The following LARGE1 variants were observed in gnomAD, a reference collection of about 807,000 sequenced individuals.
LARGE1 encodes the protein LARGE xylosyl- and glucuronyltransferase 1.
LARGE1 carries 43 observed loss-of-function variants against 87.6 expected under a neutral mutation model. The ratio of observed to expected loss-of-function variants is 0.49; its 90% CI spans 0.38 to 0.63. The LOEUF (loss-of-function observed/expected upper bound fraction) is 0.63. Among genes scored for constraint, LARGE1 ranks in the 30% least tolerant of loss-of-function variants. The pLI, the probability that LARGE1 is intolerant of heterozygous loss-of-function variation, is 0.00. For missense variants in LARGE1, 802 were observed against 1,000.2 expected, an observed-to-expected ratio of 0.80 and a Z score of 2.67; for synonymous variants, 434 against 394.6, an observed-to-expected ratio of 1.10 and a Z score of -1.18.
At chr22:33,551,984 G>T (rs749270350) in intron 6 of LARGE1, among the ~76,000 whole-genome samples, 53 of 106,544 alleles carry the variant, frequency 5.0e-4, no homozygotes, top group Non-Finnish European at 7.8e-4. Flanking sequence ...ACAGAGCAAG[G>T]CTCCGTCTCA....
chr22:33,748,366 G>A (rs1181924010), intron 2 of LARGE1, among the ~76,000 whole-genome samples: 3 of 151,956 alleles, frequency 2.0e-5, no homozygotes, highest in African/African-American at 2.4e-5. Flanking sequence ...TCCAGACCTC[G>A]TGATGCACCC....
chr22:33,502,608 A>G (rs558188172), intron 6 of LARGE1, among the ~76,000 whole-genome samples: 230 of 152,050 alleles, frequency 1.5e-3, no homozygotes, highest in African/African-American at 5.2e-3. Context: ...TGGCTCTGCC[A>G]CCCAGGCTGG....
chr22:33,448,973 A>T (rs1158683726), intron 6 of LARGE1, among the ~76,000 whole-genome samples: 1 of 152,150 alleles, frequency 6.6e-6, no homozygotes, highest in African/African-American at 2.4e-5. Flanking sequence ...CTTATTCTAG[A>T]ATTTCATAAA....
At chr22:33,336,642 T>A (rs567212268) in intron 10 of LARGE1, among the ~76,000 whole-genome samples, 1 of 152,216 alleles carries the variant, frequency 6.6e-6, no homozygotes, top group Admixed American at 6.5e-5. Context: ...CCCTGCTTTT[T>A]CTGTTAAAGT....
At chr22:33,481,505 C>T (rs931220862) in intron 6 of LARGE1, among the ~76,000 whole-genome samples, 1 of 151,996 alleles carries the variant, frequency 6.6e-6, no homozygotes, top group African/African-American at 2.4e-5. Flanking sequence ...TTGTTTCAAA[C>T]AAAAATTTAA....
At chr22:33,700,932 T>C (rs1444177153) in intron 2 of LARGE1, among the ~76,000 whole-genome samples, 3 of 151,978 alleles carry the variant, frequency 2.0e-5, no homozygotes, top group Non-Finnish European at 4.4e-5. Context: ...TCCACATCCG[T>C]GGTCTGAGGT....
rs951602717 is a variant in LARGE1 at position 33,310,040 on chromosome 22, T to C, written c.1452-5533A>G. On this transcript the variant is annotated intron_variant, in intron 11 of 14. Transcript: ENST00000397394. ...CTCCAGAACGGTCAGTGCTTTCAAA[T>C]GTAAGCTTCTTAAAGATCACCTGCG... 3.9e-5 allele frequency among the ~76,000 whole-genome samples: 6 copies of C among 152,316 alleles called. No individual in the cohort carries two copies. The East Asian group carries it at 9.7e-4, about 25-fold the overall frequency.
rs1351424165 is a variant in LARGE1 at position 33,831,128 on chromosome 22, C to T, written c.-82-69570G>A. 5.9e-5 allele frequency among the ~76,000 whole-genome samples: 8 copies of T among 135,918 alleles called. No homozygotes were observed. In the South Asian group the frequency reaches 1.1e-3, roughly 19 times the overall value. The allele number at this position is 135,918 out of a possible 152,430, so 89.2% of individuals were successfully genotyped here. On this transcript the variant is annotated intron_variant, in intron 1 of 14. Transcript: ENST00000397394. ...TTTTTTTTTTTTTGAGACGGAGTCTCGCTCTGTCGCCTAGCCTGGAGTGCA... is the reference window on the plus strand; with the variant it reads ...TTTTTTTTTTTTTGAGACGGAGTCTTGCTCTGTCGCCTAGCCTGGAGTGCA...
chr22:33,191,300 A>C (rs1035102176), intron 11 of LARGE1, among the ~76,000 whole-genome samples: 1 of 152,252 alleles, frequency 6.6e-6, no homozygotes, highest in Non-Finnish European at 1.5e-5. Context: ...TTTAAACAGC[A>C]GTTCCTAAAT....
intron 6 of LARGE1, among the ~76,000 whole-genome samples, chr22:33,453,444 C>T (rs1352465318): frequency 1.3e-5 from 2 of 151,928 alleles, no homozygotes; most frequent in Non-Finnish European, 2.9e-5. Flanking sequence ...TTGCTTCACT[C>T]TTAACTTGGA....
chr22:33,840,985 C>G (rs1568976628), intron 1 of LARGE1, among the ~76,000 whole-genome samples: 1 of 152,258 alleles, frequency 6.6e-6, no homozygotes, highest in East Asian at 1.9e-4. Context: ...TACTTGAGTA[C>G]CCATATAACC....
downstream of LARGE1, among the ~76,000 whole-genome samples, chr22:33,158,064 CAG>C (rs1266609463): frequency 2.6e-5 from 4 of 151,888 alleles, no homozygotes; most frequent in Non-Finnish European, 5.9e-5. Flanking sequence ...AGAAAAATAA[CAG>C]TGTATTGTAT....
chr22:33,785,052 CATGTGTATATAGAT>C (rs2085567569), intron 1 of LARGE1, among the ~76,000 whole-genome samples: 1 of 145,656 alleles, frequency 6.9e-6, no homozygotes, highest in Non-Finnish European at 1.5e-5. Context: ...TGTATACATA[CATGTGTATATAGAT>C]ATATGTGTAT....
chr22:33,129,130 T>C, the LARGE1 span, among the ~76,000 whole-genome samples: 2 of 152,188 alleles, frequency 1.3e-5, no homozygotes, highest in Non-Finnish European at 2.9e-5. Context: ...TATTTTCTAT[T>C]TGGTGAGTCA....
At chr22:33,721,559 G>C (rs1417115590) in intron 2 of LARGE1, among the ~76,000 whole-genome samples, 1 of 152,180 alleles carries the variant, frequency 6.6e-6, no homozygotes, top group African/African-American at 2.4e-5. Context: ...ACACACTTGT[G>C]AACATTCTCA....
intron 11 of LARGE1, among the ~76,000 whole-genome samples, chr22:33,254,402 T>C (rs1197847727): frequency 6.6e-6 from 1 of 152,216 alleles, no homozygotes; most frequent in Non-Finnish European, 1.5e-5. Flanking sequence ...TGTGGTTTGG[T>C]TGGTTGCTAC....
At chr22:33,089,371 C>CCTTCTT in the LARGE1 span, among the ~76,000 whole-genome samples, 1,429 of 76,046 alleles carry the variant, frequency 0.019, 38 homozygotes, top group African/African-American at 0.074. Flanking sequence ...TTCTTCTTCT[C>CCTTCTT]CTTCTTCTTC....
intron 6 of LARGE1, among the ~76,000 whole-genome samples, chr22:33,454,739 G>A (rs2068065841): frequency 6.6e-6 from 1 of 152,136 alleles, no homozygotes; most frequent in Non-Finnish European, 1.5e-5. Flanking sequence ...CACAGTCATG[G>A]CGGAAGGCAA....
At chr22:33,872,814 A>G (rs900471985) in intron 1 of LARGE1, among the ~76,000 whole-genome samples, 16 of 152,234 alleles carry the variant, frequency 1.1e-4, no homozygotes, top group Middle Eastern at 3.4e-3. Context: ...CCTGGCCAAC[A>G]TGGCAAAACC....
Sources: allele counts gnomAD v4.1 joint callset (sites outside exome capture counted in the v4.1 genomes callset), GRCh38; gene constraint gnomAD v4.1.1; transcripts MANE v1.5; gene names NCBI Gene and HGNC (gene_info 2026-07-23, HGNC 2026-07-21).